LONRF2: variants seen among roughly 807,000 people sequenced by gnomAD.
The protein encoded by LONRF2 is LON peptidase N-terminal domain and ring finger 2, also known as LON peptidase N-terminal domain and RING finger protein 2.
A neutral mutation model predicts 66.6 loss-of-function variants in LONRF2; 35 were observed. The ratio of observed to expected loss-of-function variants is 0.53; its 90% CI spans 0.40 to 0.70. LONRF2 has a LOEUF of 0.70. Among genes scored for constraint, LONRF2 ranks in the 30% least tolerant of loss-of-function variants. LONRF2 has a pLI of 0.00. For missense variants in LONRF2, 902 were observed against 1,002.1 expected (o/e 0.90, Z 1.35); for synonymous variants, 417 against 418.1 (o/e 1.00, Z 0.03).
At chr2:100,291,618 A>G (rs1674960883) in intron 9 of LONRF2, among the ~76,000 whole-genome samples, 1 of 152,104 alleles carries the variant, frequency 6.6e-6, no homozygotes, top group South Asian at 2.1e-4. Flanking sequence ...AATTGCTCAA[A>G]TCACTTGACA....
Position 100,290,295 on chromosome 2 carries a change from T to C in LONRF2, c.1883A>G (p.Tyr628Cys). 1.9e-6 allele frequency: 3 copies of C among 1,614,186 alleles called. No individual in the cohort carries two copies. The highest frequency in any genetic ancestry group is 1.7e-6 in the Non-Finnish European group (2 of 1,180,030). The change falls in exon 10 of 12, where the codon TAT (tyrosine) becomes TGT (cysteine). Residue 628 changes from tyrosine (Y) to cysteine (C), a missense_variant. Physicochemically the swap from Tyr to Cys is radical, Grantham distance 194 (BLOSUM62 -2). Around this residue, in one of 2 missense-constraint regions of LONRF2, gnomAD observed 317 missense variants for 432.2 expected, o/e 0.73. Coordinates refer to ENST00000393437, the MANE Select transcript of LONRF2 (RefSeq NM_198461.4). ...RVLSHRHRDG[Y>C]NTADIEYLED... ...AAGATATTCAATGTCCGCTGTGTTA[T>C]AGCCATCTCTGTGGCGGTGGCTTAG...
At chr2:100,311,959 G>T (rs1675418981) in intron 1 of LONRF2, among the ~76,000 whole-genome samples, 1 of 152,110 alleles carries the variant, frequency 6.6e-6, no homozygotes, top group African/African-American at 2.4e-5. Flanking sequence ...TTAGGATTTT[G>T]ACATCTATAT....
At chr2:100,302,419 C>T (rs949555646) in intron 3 of LONRF2, among the ~76,000 whole-genome samples, 3 of 152,224 alleles carry the variant, frequency 2.0e-5, no homozygotes, top group South Asian at 2.1e-4. Flanking sequence ...AACATAAAAA[C>T]GCTGGTCATT....
intron 8 of LONRF2, among the ~76,000 whole-genome samples, chr2:100,294,633 G>T (rs1211161211): frequency 6.6e-6 from 1 of 152,114 alleles, no homozygotes; most frequent in African/African-American, 2.4e-5. Flanking sequence ...ATATTACTTT[G>T]CTTGGAAAAG....
chr2:100,280,375 G>A lies in LONRF2; in HGVS notation c.*3923C>T, dbSNP rs1674690282. Reference sequence around the variant, plus strand: ...TTCCCATCCAGAGCGGGCTTCCCTGGGAATTAGTTTTTGGTGAACAATAGA... The same window carrying A: ...TTCCCATCCAGAGCGGGCTTCCCTGAGAATTAGTTTTTGGTGAACAATAGA... On this transcript the variant is annotated 3_prime_UTR_variant, in exon 12 of 12. Coordinates refer to ENST00000393437, the MANE Select transcript of LONRF2 (RefSeq NM_198461.4). 6.6e-6 allele frequency: 1 copy of A among 152,136 alleles called. No homozygotes were observed. The highest frequency in any genetic ancestry group is 1.5e-5 in the Non-Finnish European group (1 of 68,056). The allele number at this position is 152,136 out of a possible 1,614,324, so 9.4% of individuals were successfully genotyped here.
chr2:100,292,694 A>G (rs952866896), intron 9 of LONRF2, among the ~76,000 whole-genome samples: 3 of 151,830 alleles, frequency 2.0e-5, no homozygotes, highest in Admixed American at 1.3e-4. Context: ...TAATTTACTA[A>G]TCTCTCCCTC....
Position 100,284,282 on chromosome 2 carries a change from T to C in LONRF2, c.*16A>G. ...AAAAGCACAAGGGCTGCCAGAAACC[T>C]TGACAGAGAGAAAAATCAATTATTT... On this transcript the variant is annotated 3_prime_UTR_variant, in exon 12 of 12. Transcript: ENST00000393437. 7 of 1,494,428 alleles carry C rather than the reference T, an allele frequency of 4.7e-6. No homozygotes were observed. Among genetic ancestry groups the C allele is most frequent in the East Asian group, 2.5e-5 (1 of 39,842 alleles). The allele number at this position is 1,494,428 out of a possible 1,614,324, so 92.6% of individuals were successfully genotyped here. A position where few individuals can be genotyped will look rare whatever the true frequency, so the allele number is the denominator to read the frequency against.
Position 100,277,601 on chromosome 2 carries a change from A to T in LONRF2, c.*6697T>A, listed in dbSNP as rs995162909. 6 of 152,198 alleles carry T rather than the reference A, an allele frequency of 3.9e-5. No individual in the cohort carries two copies. The highest frequency in any genetic ancestry group is 1.4e-4 in the African/African-American group (6 of 41,452). The allele number at this position is 152,198 out of a possible 1,614,324, so 9.4% of individuals were successfully genotyped here. On this transcript the variant is annotated 3_prime_UTR_variant, in exon 12 of 12. Transcript: ENST00000393437. ...CAGTGGGAGTTCACAGAGGGTACAG[A>T]TGGCATTGCCAACCCTCATATAAAT...
At chr2:100,311,401 G>GT (rs1379864085) in intron 1 of LONRF2, among the ~76,000 whole-genome samples, 1 of 151,996 alleles carries the variant, frequency 6.6e-6, no homozygotes, top group Non-Finnish European at 1.5e-5. Flanking sequence ...TGGAAGTATA[G>GT]TTTTTTAGGC....
chr2:100,312,061 T>G (rs1036125109), intron 1 of LONRF2, among the ~76,000 whole-genome samples: 18 of 152,268 alleles, frequency 1.2e-4, no homozygotes, highest in Middle Eastern at 3.4e-3. Flanking sequence ...TTAAATGAGA[T>G]GAAAATCTTC....
rs1176842685 is a variant in LONRF2, at chr2:100,304,727, G to A, written c.799-1684C>T. Among the ~76,000 whole-genome samples the A allele has an allele frequency of 3.5e-5, 5 of 143,490 alleles. No homozygotes were observed. In the South Asian group the frequency reaches 1.1e-3, roughly 33 times the overall value. 94.1% of individuals were successfully genotyped at this position (143,490 alleles called of 152,430 possible). On this transcript the variant is annotated intron_variant, in intron 2 of 11. Transcript: ENST00000393437. ...GAACCCCTGCCTCCCAGGTTCAAGTGATTCTCCTGCCTCAGCCTCCTGAGT... is the reference window on the plus strand; with the variant it reads ...GAACCCCTGCCTCCCAGGTTCAAGTAATTCTCCTGCCTCAGCCTCCTGAGT...
intron 1 of LONRF2, 70 bp downstream of exon 1, chr2:100,321,345 G>T: frequency 7.8e-7 from 1 of 1,288,526 alleles, no homozygotes; most frequent in Non-Finnish European, 1.0e-6. Flanking sequence ...GGGCCCACCG[G>T]CCAGCTCCCC....
At position 100,322,109 on chromosome 2, in the gene LONRF2, A is replaced by G; in HGVS notation, c.-16T>C. The G allele has an allele frequency of 8.0e-7, 1 of 1,244,314 alleles. No individual in the cohort carries two copies. Among genetic ancestry groups the G allele is most frequent in the Non-Finnish European group, 1.0e-6 (1 of 995,494 alleles). The allele number at this position is 1,244,314 out of a possible 1,614,324, so 77.1% of individuals were successfully genotyped here. A position where few individuals can be genotyped will look rare whatever the true frequency, so the allele number is the denominator to read the frequency against. On this transcript the variant is annotated 5_prime_UTR_variant, in exon 1 of 12. Coordinates refer to ENST00000393437, the MANE Select transcript of LONRF2 (RefSeq NM_198461.4). Reference sequence around the variant, plus strand: ...CGGGGCTCATCACCGCGGGGCTGCGACGACGCGGGTCCGGAGCGAAGGCGC... The same window carrying G: ...CGGGGCTCATCACCGCGGGGCTGCGGCGACGCGGGTCCGGAGCGAAGGCGC...
chr2:100,304,313 T>TAATTTTTA (rs936031991), intron 2 of LONRF2, among the ~76,000 whole-genome samples: 1 of 26,482 alleles, frequency 3.8e-5, no homozygotes, highest in African/African-American at 5.9e-4. Flanking sequence ...CCTGCCTGGC[T>TAATTTTTA]AATTTTTTTG....
intron 2 of LONRF2, among the ~76,000 whole-genome samples, chr2:100,304,286 C>T (rs1219107793): frequency 6.6e-6 from 1 of 150,670 alleles, no homozygotes; most frequent in East Asian, 2.0e-4. Context: ...GTAGCTCAGA[C>T]TACAGGCACA....
chr2:100,304,417 C>T (rs1490112226), intron 2 of LONRF2, among the ~76,000 whole-genome samples: 1 of 152,038 alleles, frequency 6.6e-6, no homozygotes, highest in Admixed American at 6.5e-5. Context: ...ATTGGGCATA[C>T]ATGCATGAAC....
rs33984834 is a variant in LONRF2, at chr2:100,300,019, AG to A, written c.1066-102del. On this transcript the variant is annotated intron_variant, in intron 4 of 11. Transcript: ENST00000393437. ...GTACTAGAAATCTTTGGAAAAAAAA[AG>A]GGGGGGGCATACACTCTTCTTCATA... The A allele has an allele frequency of 1.2e-4, 47 of 396,576 alleles. 4 individuals are homozygous for A. The highest frequency in any genetic ancestry group is 1.4e-3 in the Middle Eastern group (2 of 1,392). The allele number at this position is 396,576 out of a possible 1,614,324, so 24.6% of individuals were successfully genotyped here.
intron 11 of LONRF2, among the ~76,000 whole-genome samples, chr2:100,286,156 C>T (rs1674841497): frequency 6.6e-6 from 1 of 151,998 alleles, no homozygotes; most frequent in Non-Finnish European, 1.5e-5. Flanking sequence ...AAGATAGAAG[C>T]TCCAAGAGAC....
At chr2:100,320,518 G>A (rs538355232) in intron 1 of LONRF2, among the ~76,000 whole-genome samples, 6 of 152,190 alleles carry the variant, frequency 3.9e-5, no homozygotes, top group Admixed American at 6.5e-5. Context: ...TTAATCCTAA[G>A]TTTAAAATAA....
Sources: allele counts gnomAD v4.1 joint callset (sites outside exome capture counted in the v4.1 genomes callset), GRCh38; gene constraint gnomAD v4.1.1; regional missense constraint gnomAD v4.1.1; transcripts MANE v1.5; gene names NCBI Gene and HGNC (gene_info 2026-07-23, HGNC 2026-07-21).